Variants in SERPINB11 observed in about 807,000 individuals in gnomAD.
SERPINB11 encodes the protein serpin family B member 11, also known as serpin B11.
Under a neutral mutation model 36.7 loss-of-function variants are expected in SERPINB11, and 32 were observed. The observed-to-expected ratio is 0.87, with a 90% confidence interval of 0.66 to 1.17. The LOEUF is 1.17. Among genes scored for constraint, SERPINB11 ranks in the 50% most tolerant of loss-of-function variants. SERPINB11 has a pLI of 0.00. For synonymous variants in SERPINB11, 174 were observed against 168.1 expected (o/e 1.04, Z -0.27); for missense variants, 528 against 458.4 (o/e 1.15, Z -1.39).
At chr18:63,702,653 C>T (rs2144524231), upstream of SERPINB11, among the ~76,000 whole-genome samples, 1 of 152,226 alleles carries the variant, frequency 6.6e-6, no homozygotes, top group East Asian at 1.9e-4. Context: ...CTCTGGGGAT[C>T]TCATTACAAA....
chr18:63,708,529 A>G (rs1270583303), intron 1 of SERPINB11, among the ~76,000 whole-genome samples: 1 of 152,202 alleles, frequency 6.6e-6, no homozygotes, highest in Non-Finnish European at 1.5e-5. Context: ...GGATGATCAC[A>G]AGGTTTTTAG....
At chr18:63,708,795 C>G (rs1914439212) in intron 1 of SERPINB11, among the ~76,000 whole-genome samples, 2 of 152,120 alleles carry the variant, frequency 1.3e-5, no homozygotes, top group South Asian at 4.1e-4. Context: ...TGAGATCACC[C>G]AGGGTATGAC....
chr18:63,709,085 C>A (rs2144532733), intron 1 of SERPINB11, among the ~76,000 whole-genome samples: 1 of 152,344 alleles, frequency 6.6e-6, no homozygotes, highest in African/African-American at 2.4e-5. Context: ...GTTTGTGGAA[C>A]TGAATAGAAT....
At chr18:63,716,596 C>A (rs11152405) in intron 5 of SERPINB11, among the ~76,000 whole-genome samples, 56,459 of 151,878 alleles carry the variant, frequency 0.37, 11,350 homozygotes, top group East Asian at 0.61. Flanking sequence ...TAATCTCTCA[C>A]CCTTTCTCCA....
At chr18:63,718,733 G>C (rs1011550301) in intron 5 of SERPINB11, among the ~76,000 whole-genome samples, 1 of 151,996 alleles carries the variant, frequency 6.6e-6, no homozygotes, top group Non-Finnish European at 1.5e-5. Flanking sequence ...ACAGTGATGA[G>C]CTCTCAATAG....
chr18:63,715,931 C>G, intron 4 of SERPINB11, 104 bp from the exon 5 acceptor site: 1 of 613,484 alleles, frequency 1.6e-6, no homozygotes, highest in Admixed American at 3.4e-5. Flanking sequence ...TTTATGGGAA[C>G]TGCTTTTTTC....
In SERPINB11 at chr18:63,714,149, G is replaced by C. The variant is rs564435164; in HGVS notation, c.357+1456G>C. 3.8e-3 allele frequency among the ~76,000 whole-genome samples: 581 copies of C among 152,206 alleles called. 3 individuals are homozygous for C. The highest frequency in any genetic ancestry group is 0.014 in the Middle Eastern group (4 of 294). ...CAACAGAGAGAAATTTTAAAGCTGG[G>C]TGCCCGGGAGAGACATCACATGTCG... is the stretch of plus-strand genomic sequence containing the variant. On this transcript the variant is annotated intron_variant, in intron 4 of 7. Coordinates refer to ENST00000544088, the MANE Select transcript of SERPINB11 (RefSeq NM_001370475.1).
chr18:63,714,468 G>A (rs1473921821), intron 4 of SERPINB11, among the ~76,000 whole-genome samples: 1 of 152,082 alleles, frequency 6.6e-6, no homozygotes, highest in Non-Finnish European at 1.5e-5. Context: ...GATAGGCCTG[G>A]GAGTGCTACG....
chr18:63,716,878 A>G (rs1914682755), intron 5 of SERPINB11, among the ~76,000 whole-genome samples: 1 of 152,094 alleles, frequency 6.6e-6, no homozygotes, highest in Non-Finnish European at 1.5e-5. Context: ...TGATTTTAAA[A>G]ATAAACTTTA....
intron 5 of SERPINB11, among the ~76,000 whole-genome samples, chr18:63,716,928 T>C (rs1914684203): frequency 6.6e-6 from 1 of 152,142 alleles, no homozygotes; most frequent in South Asian, 2.1e-4. Context: ...TAAATTATTG[T>C]ATGTGTGCTA....
At chr18:63,708,797 G>C (rs1415117402) in intron 1 of SERPINB11, among the ~76,000 whole-genome samples, 1 of 152,186 alleles carries the variant, frequency 6.6e-6, no homozygotes, top group Non-Finnish European at 1.5e-5. Flanking sequence ...AGATCACCCA[G>C]GGTATGACTG....
rs116170504 is a variant in SERPINB11, at chr18:63,710,217, C to T, written c.24C>T (p.Asn8=). ...AAATGGGTTCTCTCAGCACAGCTAA[C>T]GTTGAATTTTGCCTTGATGTGTTCA... MGSLSTA[N]VEFCLDVFKE... is the part of the protein sequence containing the mutation. The change falls in exon 2 of 8, where the codon AAC becomes AAT. Residue 8 remains asparagine, a synonymous_variant. Transcript: ENST00000544088. 2.1e-4 allele frequency: 331 copies of T among 1,611,102 alleles called. 1 individual carries two copies. The African/African-American group carries it at 3.0e-3, about 15-fold the overall frequency.
intron 1 of SERPINB11, among the ~76,000 whole-genome samples, chr18:63,704,862 G>T (rs1286343628): frequency 6.6e-6 from 1 of 152,166 alleles, no homozygotes; most frequent in East Asian, 1.9e-4. Flanking sequence ...AAGGGAGTAG[G>T]TGTGCTGATA....
chr18:63,712,038 T>C (rs899434140), intron 3 of SERPINB11, among the ~76,000 whole-genome samples: 1 of 152,220 alleles, frequency 6.6e-6, no homozygotes, highest in African/African-American at 2.4e-5. Flanking sequence ...ATATTGCCTA[T>C]AATGTCCATA....
intron 2 of SERPINB11, 22 bp from the exon 3 acceptor site, chr18:63,711,313 A>T (rs1377196041): frequency 3.2e-6 from 5 of 1,575,734 alleles, no homozygotes; most frequent in Non-Finnish European, 4.4e-6. Flanking sequence ...ATGCCAAAAG[A>T]TCCCTTTTTT....
rs528956552 is a variant in SERPINB11, at chr18:63,703,206, T to C, written c.-16+200T>C. Among the ~76,000 whole-genome samples, 4 of 152,302 alleles carry C rather than the reference T, an allele frequency of 2.6e-5. No homozygotes were observed. The East Asian group carries it at 7.7e-4, about 29-fold the overall frequency. On this transcript the variant is annotated intron_variant, in intron 1 of 7. Coordinates refer to ENST00000544088, the MANE Select transcript of SERPINB11 (RefSeq NM_001370475.1). Reference sequence around the variant, plus strand: ...ACTTGGATGCCATTGATAGTGTGCATTTAAAAATCTTTGAGGCAGGCTGAC... The same window carrying C: ...ACTTGGATGCCATTGATAGTGTGCACTTAAAAATCTTTGAGGCAGGCTGAC...
chr18:63,707,861 A>G (rs1221467204), intron 1 of SERPINB11, among the ~76,000 whole-genome samples: 1 of 152,248 alleles, frequency 6.6e-6, no homozygotes, highest in African/African-American at 2.4e-5. Flanking sequence ...GAAGGGAATC[A>G]GATAATAAAT....
rs1220877213 is a variant in SERPINB11, at chr18:63,712,228, A to G, written c.229-337A>G. ...AGAAAAGAGAAACGATTCTGTAAGT[A>G]CAAAGGCAGCAATAACACTGGAATT... On this transcript the variant is annotated intron_variant, in intron 3 of 7. Coordinates refer to ENST00000544088, the MANE Select transcript of SERPINB11 (RefSeq NM_001370475.1). 2.6e-5 allele frequency among the ~76,000 whole-genome samples: 4 copies of G among 152,216 alleles called. No individual in the cohort carries two copies. The East Asian group carries it at 7.7e-4, about 29-fold the overall frequency.
intron 1 of SERPINB11, among the ~76,000 whole-genome samples, chr18:63,703,544 T>A (rs1383994232): frequency 6.6e-6 from 1 of 152,238 alleles, no homozygotes; most frequent in Non-Finnish European, 1.5e-5. Flanking sequence ...AAATTCCTAC[T>A]ATTTTTAGGA....
Sources: gnomAD v4.1 joint callset for allele counts (sites outside exome capture counted in the v4.1 genomes callset) on GRCh38, gnomAD v4.1.1 for gene constraint, MANE v1.5 for transcripts, NCBI Gene and HGNC (gene_info 2026-07-23, HGNC 2026-07-21) for gene names.